Variants in STRIP2 observed in about 807,000 individuals in gnomAD.
STRIP2 encodes striatin-interacting protein 2.
In STRIP2, 84 loss-of-function variants were observed where a neutral mutation model predicts 107.1. The observed-to-expected ratio is 0.78, with a 90% CI of 0.66 to 0.94. The LOEUF (loss-of-function observed/expected upper bound fraction) is 0.94. Among genes scored for constraint, STRIP2 ranks in the 40% least tolerant of loss-of-function variants. The pLI, the probability that STRIP2 is intolerant of heterozygous loss-of-function variation, is 0.00. For missense variants in STRIP2, 888 were observed against 1,034.2 expected, an observed-to-expected ratio of 0.86 and a Z score of 1.94; for synonymous variants, 394 against 400.4, an observed-to-expected ratio of 0.98 and a Z score of 0.19.
At chr7:129,470,571 C>A in intron 17 of STRIP2, 78 bp from the exon 18 acceptor site, 1 of 1,213,360 alleles carries the variant, frequency 8.2e-7, no homozygotes, top group Non-Finnish European at 1.2e-6. Flanking sequence ...AGAGAAATAA[C>A]TCCTGCCCTT....
At chr7:129,438,481 T>A (rs1347374368) in intron 1 of STRIP2, among the ~76,000 whole-genome samples, 1 of 152,226 alleles carries the variant, frequency 6.6e-6, no homozygotes, top group Non-Finnish European at 1.5e-5. Flanking sequence ...CTTTCCTATA[T>A]TAACTCATTT....
At chr7:129,475,709 C>G (rs545256888) in intron 18 of STRIP2, among the ~76,000 whole-genome samples, 1 of 150,816 alleles carries the variant, frequency 6.6e-6, no homozygotes, top group African/African-American at 2.4e-5. Flanking sequence ...GAGGACCCTG[C>G]GGCCTACCGC....
At chr7:129,455,141 G>A in intron 7 of STRIP2, 103 bp from the exon 8 acceptor site, 1 of 1,372,800 alleles carries the variant, frequency 7.3e-7, no homozygotes, top group Non-Finnish European at 9.9e-7. Flanking sequence ...ATTCTTCAGG[G>A]GAGGTGAGTG....
At chr7:129,441,588 C>T (rs982804387) in intron 2 of STRIP2, among the ~76,000 whole-genome samples, 9 of 152,072 alleles carry the variant, frequency 5.9e-5, no homozygotes, top group Admixed American at 5.9e-4. Context: ...ATTTTTGAGA[C>T]AGAGTCTGGC....
At position 129,458,740 on chromosome 7, in the gene STRIP2, A is replaced by G; in HGVS notation, c.1303A>G (p.Met435Val). Reference protein sequence around the residue: ...RQKDIEHFLEMSRNKFIGFTL... With the variant: ...RQKDIEHFLEVSRNKFIGFTL... ...GAAGGACATTGAGCACTTCTTGGAG[A>G]TGAGCAGGAACAAGTTCATCGGATT... Residue 435 changes from methionine (M) to valine (V), a missense_variant, in exon 11 of 21, where the codon ATG (methionine) becomes GTG (valine). By Grantham distance (21) the Met-to-Val change is conservative. Coordinates refer to ENST00000249344, the MANE Select transcript of STRIP2 (RefSeq NM_020704.3). The surrounding 1 kb of genome is among the most constrained non-coding windows in gnomAD (Gnocchi z 4.6). 1 of 1,614,116 alleles carries G rather than the reference A, an allele frequency of 6.2e-7. No individual in the cohort carries two copies. The highest frequency in any genetic ancestry group is 2.2e-5 in the East Asian group (1 of 44,874).
chr7:129,441,777 G>A (rs1797904962), intron 2 of STRIP2, among the ~76,000 whole-genome samples: 1 of 151,876 alleles, frequency 6.6e-6, no homozygotes. Context: ...ACCATGTCCA[G>A]CTAATTTTGT....
intron 13 of STRIP2, 60 bp downstream of exon 13, chr7:129,460,432 C>A: frequency 1.4e-6 from 2 of 1,415,268 alleles, no homozygotes; most frequent in African/African-American, 1.4e-5. Flanking sequence ...TCAGTGTTGT[C>A]ACAGAGCATG....
At chr7:129,440,730 A>T (rs1195483209) in intron 2 of STRIP2, among the ~76,000 whole-genome samples, 1 of 152,106 alleles carries the variant, frequency 6.6e-6, no homozygotes, top group Non-Finnish European at 1.5e-5. Context: ...TTTTTAGCTT[A>T]GGGTAAATGT....
chr7:129,452,792 A>G (rs1320704605), intron 4 of STRIP2, among the ~76,000 whole-genome samples: 1 of 152,244 alleles, frequency 6.6e-6, no homozygotes, highest in East Asian at 1.9e-4. Context: ...AACAGGAGTT[A>G]GTGGATGGAT....
In STRIP2 at chr7:129,434,573, C is replaced by G. The variant is rs138737421; in HGVS notation, c.101C>G (p.Ala34Gly). The change falls in exon 1 of 21, where the codon GCG becomes GGG. Residue 34 changes from alanine (A) to glycine (G), a missense_variant. By Grantham distance (60) the Ala-to-Gly change is moderately conservative (BLOSUM62 0). Transcript: ENST00000249344. Reference protein sequence around the residue: ...GKQAAPKGREAFRSQRRESEG... With the variant: ...GKQAAPKGREGFRSQRRESEG... ...CAGGCGGCGCCCAAGGGCCGCGAAG[C>G]GTTCCGAAGCCAGCGGCGGGAGTCA... is the stretch of plus-strand genomic sequence containing the variant. 1 of 1,515,336 alleles carries G rather than the reference C, an allele frequency of 6.6e-7. No individual in the cohort carries two copies. Among genetic ancestry groups the G allele is most frequent in the Non-Finnish European group, 8.8e-7 (1 of 1,138,046 alleles). The allele number at this position is 1,515,336 out of a possible 1,614,324, so 93.9% of individuals were successfully genotyped here. A position where few individuals can be genotyped will look rare whatever the true frequency, so the allele number is the denominator to read the frequency against.
rs1799096087 is a variant in STRIP2 at position 129,480,774 on chromosome 7, C to G, written c.1945-11C>G. On this transcript the variant is annotated splice_polypyrimidine_tract_variant and intron_variant, in intron 18 of 20. Coordinates refer to ENST00000249344, the MANE Select transcript of STRIP2 (RefSeq NM_020704.3). ...AGGTATTAAGATAATGATGGATGTT[C>G]CCTACTATAGGAAGCTGGAGACAAC... 1 of 1,604,472 alleles carries G rather than the reference C, an allele frequency of 6.2e-7. No homozygotes were observed. Among genetic ancestry groups the G allele is most frequent in the Non-Finnish European group, 8.5e-7 (1 of 1,174,030 alleles).
At position 129,458,159 on chromosome 7, in the gene STRIP2, C is replaced by G. The variant is rs1798417531; in HGVS notation, c.1039-56C>G. 7.1e-7 allele frequency: 1 copy of G among 1,417,358 alleles called. No individual in the cohort carries two copies. The highest frequency in any genetic ancestry group is 1.4e-5 in the African/African-American group (1 of 71,052). 87.8% of individuals were successfully genotyped at this position (1,417,358 alleles called of 1,614,324 possible). Reference sequence around the variant, plus strand: ...CCTGTGGATATGGGGTGGCCTCAGACAAGGATGCCCAGAGTGAGATCTCTG... The same window carrying G: ...CCTGTGGATATGGGGTGGCCTCAGAGAAGGATGCCCAGAGTGAGATCTCTG... On this transcript the variant is annotated intron_variant, in intron 9 of 20. Coordinates refer to ENST00000249344, the MANE Select transcript of STRIP2 (RefSeq NM_020704.3). This position sits in a 1 kb window ranked among gnomAD's most constrained non-coding sequence, Gnocchi z 4.6.
rs986703724 is a variant in STRIP2 at position 129,454,170 on chromosome 7, C to G, written c.559C>G (p.Arg187Gly). The G allele has an allele frequency of 6.2e-7, 1 of 1,614,134 alleles. No individual in the cohort carries two copies. The highest frequency in any genetic ancestry group is 1.3e-5 in the African/African-American group (1 of 75,044). ...CAGCCAGGCCTGTAGCAGTGCCCTT[C>G]GGAAACCAGCTGTCTCCATAGCTGA... The part of the protein sequence containing the change: ...DNSQACSSAL[R>G]KPAVSIADST... Residue 187 changes from arginine (R) to glycine (G), a missense_variant, in exon 6 of 21, where the codon CGG becomes GGG. Transcript: ENST00000249344.
intron 2 of STRIP2, among the ~76,000 whole-genome samples, chr7:129,443,391 GGCT>G (rs1257572083): frequency 1.3e-5 from 2 of 152,132 alleles, no homozygotes; most frequent in Non-Finnish European, 2.9e-5. Flanking sequence ...TGTATTGAGA[GGCT>G]GCTGTTAGCA....
At chr7:129,438,304 T>C (rs1324501895) in intron 1 of STRIP2, among the ~76,000 whole-genome samples, 2 of 152,206 alleles carry the variant, frequency 1.3e-5, no homozygotes, top group Admixed American at 6.5e-5. Flanking sequence ...TAAAAACCAT[T>C]TAAATATTCA....
chr7:129,451,778 G>A (rs1388638777), intron 4 of STRIP2, 31 bp downstream of exon 4: 3 of 1,611,792 alleles, frequency 1.9e-6, no homozygotes, highest in East Asian at 2.2e-5. Flanking sequence ...GCTTTAGAGG[G>A]GTGGAGGCTT....
rs692625 is a variant in STRIP2 at position 129,485,909 on chromosome 7, G to T, written c.*80G>T. On this transcript the variant is annotated 3_prime_UTR_variant, in exon 21 of 21. Transcript: ENST00000249344. ...CTCTGCCTACCCTGTCCATACAGGC[G>T]CTGTTACCAGTTCAGGGCTCTTCTG... The T allele has an allele frequency of 0.27, 412,242 of 1,526,976 alleles. 57,001 individuals are homozygous for T. Among genetic ancestry groups the T allele is most frequent in the African/African-American group, 0.39 (28,498 of 73,308 alleles). The allele number at this position is 1,526,976 out of a possible 1,614,324, so 94.6% of individuals were successfully genotyped here.
At chr7:129,476,811 G>A (rs1431644207) in intron 18 of STRIP2, among the ~76,000 whole-genome samples, 1 of 152,174 alleles carries the variant, frequency 6.6e-6, no homozygotes, top group African/African-American at 2.4e-5. Context: ...CACTTTGGGA[G>A]GCCAAGGCAG....
At chr7:129,467,764 C>G (rs1798705093) in intron 17 of STRIP2, among the ~76,000 whole-genome samples, 1 of 152,102 alleles carries the variant, frequency 6.6e-6, no homozygotes, top group Admixed American at 6.6e-5. Flanking sequence ...ACCTGCTTGT[C>G]TGGCCAGGCG....
Sources: allele counts gnomAD v4.1 joint callset (sites outside exome capture counted in the v4.1 genomes callset), GRCh38; gene constraint gnomAD v4.1.1; non-coding constraint Gnocchi (gnomAD v3.1); transcripts MANE v1.5; gene names NCBI Gene and HGNC (gene_info 2026-07-23, HGNC 2026-07-21).